Variants in HORMAD2 observed in about 807,000 individuals in gnomAD.
HORMAD2 encodes the protein HORMA domain containing 2.
Under a neutral mutation model 38.8 loss-of-function variants are expected in HORMAD2, and 45 were observed. The observed-to-expected ratio is 1.16, with a 90% CI of 0.91 to 1.49. The LOEUF (loss-of-function observed/expected upper bound fraction) is 1.49, where lower values mean the gene tolerates loss of function less well. Ranked by LOEUF, HORMAD2 falls within the 40% of genes most tolerant of loss-of-function variation. HORMAD2 has a pLI of 0.00. For missense variants in HORMAD2, 338 were observed against 367.0 expected (o/e 0.92, Z 0.65); for synonymous variants, 126 against 122.8 (o/e 1.03, Z -0.17).
At chr22:30,099,107 T>G in intron 3 of HORMAD2, 114 bp downstream of exon 3, 1 of 820,556 alleles carries the variant, frequency 1.2e-6, no homozygotes, top group Non-Finnish European at 1.8e-6. Flanking sequence ...GGCCTGTTCT[T>G]CAAGACCAAT....
the HORMAD2 span, among the ~76,000 whole-genome samples, chr22:30,198,766 T>C: frequency 6.6e-6 from 1 of 152,170 alleles, no homozygotes; most frequent in Non-Finnish European, 1.5e-5. Flanking sequence ...AAAAAAGTTC[T>C]TCCTAAAATG....
chr22:30,108,902 TTC>T (rs1415988322), intron 5 of HORMAD2, among the ~76,000 whole-genome samples: 3 of 151,890 alleles, frequency 2.0e-5, no homozygotes, highest in African/African-American at 4.8e-5. Flanking sequence ...TCTTTTCTCT[TTC>T]TTTCTCTCGC....
intron 7 of HORMAD2, among the ~76,000 whole-genome samples, chr22:30,115,812 T>C (rs1483147357): frequency 5.3e-5 from 8 of 152,120 alleles, no homozygotes; most frequent in African/African-American, 1.4e-4. Flanking sequence ...GAAGGAGGGA[T>C]TGGATGGCTG....
At chr22:30,191,083 A>T in the HORMAD2 span, among the ~76,000 whole-genome samples, 1 of 152,128 alleles carries the variant, frequency 6.6e-6, no homozygotes, top group African/African-American at 2.4e-5. Flanking sequence ...CATTATGGTG[A>T]TTTTTCTTTC....
chr22:30,162,177 G>C (rs529194864), intron 10 of HORMAD2, among the ~76,000 whole-genome samples: 4 of 152,124 alleles, frequency 2.6e-5, no homozygotes, highest in Non-Finnish European at 5.9e-5. Flanking sequence ...GCTGGGCGTG[G>C]TGATGTGTGC....
chr22:30,175,316 A>T (rs988456141), intron 10 of HORMAD2, among the ~76,000 whole-genome samples: 105 of 127,846 alleles, frequency 8.2e-4, no homozygotes, highest in Middle Eastern at 3.9e-3. Flanking sequence ...TATATAATAT[A>T]ATATATATAT....
chr22:30,096,807 A>G (rs2146079696), intron 2 of HORMAD2, among the ~76,000 whole-genome samples: 1 of 152,168 alleles, frequency 6.6e-6, no homozygotes, highest in East Asian at 1.9e-4. Context: ...GATAAAGTTT[A>G]AACACTTTTT....
At chr22:30,098,329 TAA>T (rs1454826665) in intron 2 of HORMAD2, among the ~76,000 whole-genome samples, 1 of 151,414 alleles carries the variant, frequency 6.6e-6, no homozygotes, top group African/African-American at 2.4e-5. Flanking sequence ...CTGGAAAAAA[TAA>T]AAGAGACTGA....
chr22:30,205,324 G>A, the HORMAD2 span, among the ~76,000 whole-genome samples: 1 of 152,092 alleles, frequency 6.6e-6, no homozygotes, highest in African/African-American at 2.4e-5. Context: ...GCGCTCTCCT[G>A]CTGAGCAGGG....
chr22:30,178,941 A>G (rs1007812489), downstream of HORMAD2, among the ~76,000 whole-genome samples: 1 of 152,184 alleles, frequency 6.6e-6, no homozygotes, highest in Admixed American at 6.5e-5. Flanking sequence ...CCACACCTTC[A>G]TTTCCCCTCT....
chr22:30,205,057 C>G, the HORMAD2 span, among the ~76,000 whole-genome samples: 1 of 152,194 alleles, frequency 6.6e-6, no homozygotes, highest in Non-Finnish European at 1.5e-5. Context: ...GCCTCAGTTT[C>G]TCTCTGTGAG....
chr22:30,157,664 G>T (rs1925165270), intron 10 of HORMAD2, among the ~76,000 whole-genome samples: 1 of 151,972 alleles, frequency 6.6e-6, no homozygotes, highest in South Asian at 2.1e-4. Flanking sequence ...CTTCTTCATT[G>T]TAAGTCAAGC....
intron 10 of HORMAD2, among the ~76,000 whole-genome samples, chr22:30,163,167 G>T (rs938889637): frequency 6.6e-6 from 1 of 151,886 alleles, no homozygotes; most frequent in African/African-American, 2.4e-5. Flanking sequence ...AGTGTTCTAG[G>T]TTTATTTCAA....
intron 10 of HORMAD2, among the ~76,000 whole-genome samples, chr22:30,123,653 ATTT>A (rs1922618558): frequency 6.7e-6 from 1 of 149,374 alleles, no homozygotes. Flanking sequence ...GTATTTATTT[ATTT>A]ATTTATTTAT....
At position 30,130,586 on chromosome 22, in the gene HORMAD2, C is replaced by CTTTTTT. The variant is rs66636269; in HGVS notation, c.819+8389_819+8394dup. Among the ~76,000 whole-genome samples the CTTTTTT allele has an allele frequency of 5.1e-3, 447 of 87,858 alleles. 1 individual carries two copies. Among genetic ancestry groups the CTTTTTT allele is most frequent in the Middle Eastern group, 0.014 (2 of 138 alleles). The allele number at this position is 87,858 out of a possible 152,430, so 57.6% of individuals were successfully genotyped here. A position where few individuals can be genotyped will look rare whatever the true frequency, so the allele number is the denominator to read the frequency against. On this transcript the variant is annotated intron_variant, in intron 10 of 10. Coordinates refer to ENST00000336726, the MANE Select transcript of HORMAD2 (RefSeq NM_152510.4). ...GGACAGGTCTTCATTCTTTTCTTTT[C>CTTTTTT]TTTTTTTTTTTTTTTTTTTTTTGAG...
At chr22:30,098,261 G>T (rs1359436370) in intron 2 of HORMAD2, among the ~76,000 whole-genome samples, 1 of 152,136 alleles carries the variant, frequency 6.6e-6, no homozygotes, top group Non-Finnish European at 1.5e-5. Flanking sequence ...AGCTATAAAA[G>T]AGAAAAAGCC....
intron 5 of HORMAD2, among the ~76,000 whole-genome samples, chr22:30,109,580 G>A (rs1355892809): frequency 6.6e-6 from 1 of 152,196 alleles, no homozygotes; most frequent in Admixed American, 6.5e-5. Context: ...GGCTCCCAAA[G>A]TGCTGGGATT....
the HORMAD2 span, among the ~76,000 whole-genome samples, chr22:30,199,968 G>A: frequency 6.6e-6 from 1 of 151,842 alleles, no homozygotes; most frequent in African/African-American, 2.4e-5. Flanking sequence ...AAAAATTTTA[G>A]TCCAGTGGCA....
chr22:30,109,452 G>A (rs1601526497), intron 5 of HORMAD2, among the ~76,000 whole-genome samples: 1 of 152,108 alleles, frequency 6.6e-6, no homozygotes, highest in African/African-American at 2.4e-5. Context: ...CAAGTAGCTA[G>A]GACCACAAGT....
Sources: allele counts gnomAD v4.1 joint callset (sites outside exome capture counted in the v4.1 genomes callset), GRCh38; gene constraint gnomAD v4.1.1; transcripts MANE v1.5; gene names NCBI Gene and HGNC (gene_info 2026-07-23, HGNC 2026-07-21).